The following SOX6 variants were observed in gnomAD, a reference collection of about 807,000 sequenced individuals.
SOX6 encodes the protein transcription factor SOX-6.
Under a neutral mutation model 97.8 loss-of-function variants are expected in SOX6, and 11 were observed. The observed-to-expected ratio is 0.11, with a 90% confidence interval of 0.07 to 0.19. SOX6 has a LOEUF of 0.19. Ranked by LOEUF, SOX6 falls within the 10% of genes least tolerant of loss-of-function variation. The pLI, the probability that SOX6 is intolerant of heterozygous loss-of-function variation, is 1.00. For synonymous variants in SOX6, 360 were observed against 371.4 expected (o/e 0.97, Z 0.35); for missense variants, 810 against 1,039.5 (o/e 0.78, Z 3.04).
chr11:16,124,551 G>A (rs1005953031), intron 6 of SOX6, among the ~76,000 whole-genome samples: 1 of 152,024 alleles, frequency 6.6e-6, no homozygotes, highest in African/African-American at 2.4e-5. Flanking sequence ...AGGGTTAAAC[G>A]ACCTGAGGAA....
At chr11:16,659,340 T>A (rs1223743459) in intron 3 of SOX6, among the ~76,000 whole-genome samples, 8 of 152,154 alleles carry the variant, frequency 5.3e-5, no homozygotes, top group Non-Finnish European at 1.2e-4. Flanking sequence ...TGCCAAAGAT[T>A]AGTTGATTGT....
intron 4 of SOX6, among the ~76,000 whole-genome samples, chr11:16,485,924 AGGG>A (rs2133128249): frequency 2.2e-5 from 1 of 45,074 alleles, no homozygotes; most frequent in Non-Finnish European, 3.8e-5. Flanking sequence ...AGGGAAGGGG[AGGG>A]GAGGGGAGGG....
chr11:16,348,888 A>G lies in SOX6; in HGVS notation c.-5+7206T>C, dbSNP rs533719928. Among the ~76,000 whole-genome samples, 7 of 152,264 alleles carry G rather than the reference A, an allele frequency of 4.6e-5. No individual in the cohort carries two copies. The South Asian group carries it at 1.2e-3, about 27-fold the overall frequency. ...TGATGCTGAAAATTCATCTCATGAA[A>G]GTGATTTAATATCTCTACACAAGTT... On this transcript the variant is annotated intron_variant, in intron 1 of 15. Coordinates refer to ENST00000683767, the MANE Select transcript of SOX6 (RefSeq NM_001367873.1).
At chr11:16,322,310 G>T (rs1855951967) in intron 2 of SOX6, among the ~76,000 whole-genome samples, 1 of 152,104 alleles carries the variant, frequency 6.6e-6, no homozygotes, top group Non-Finnish European at 1.5e-5. Flanking sequence ...ATGAGATCTG[G>T]TTGTTAAAAA....
chr11:16,010,116 A>C (rs1854668229), intron 13 of SOX6, among the ~76,000 whole-genome samples: 1 of 143,836 alleles, frequency 7.0e-6, no homozygotes, highest in South Asian at 2.3e-4. Flanking sequence ...ACTTAGAAGC[A>C]GTTGGAGCTA....
At chr11:15,995,002 A>T (rs1420247779) in intron 13 of SOX6, among the ~76,000 whole-genome samples, 1 of 152,214 alleles carries the variant, frequency 6.6e-6, no homozygotes, top group East Asian at 1.9e-4. Context: ...TGGTCTTCAT[A>T]GCATGGAGTG....
intron 3 of SOX6, among the ~76,000 whole-genome samples, chr11:16,278,824 T>C (rs183501664): frequency 1.7e-4 from 26 of 152,144 alleles, no homozygotes; most frequent in African/African-American, 6.3e-4. Context: ...CTAGATCTAA[T>C]GGGGTAAAGA....
intron 4 of SOX6, among the ~76,000 whole-genome samples, chr11:16,603,444 C>A (rs1299100083): frequency 6.6e-6 from 1 of 152,120 alleles, no homozygotes; most frequent in Non-Finnish European, 1.5e-5. Flanking sequence ...TGATCACTAG[C>A]AGCCCCAAGC....
intron 11 of SOX6, among the ~76,000 whole-genome samples, 168 bp from the exon 12 acceptor site, chr11:16,046,869 A>T (rs1855849837): frequency 1.3e-5 from 2 of 152,178 alleles, no homozygotes; most frequent in South Asian, 4.1e-4. Context: ...AGCCAGGGCA[A>T]CCAAGCTGTG....
At chr11:16,211,090 T>C (rs1390944573) in intron 4 of SOX6, among the ~76,000 whole-genome samples, 2 of 151,876 alleles carry the variant, frequency 1.3e-5, no homozygotes, top group Non-Finnish European at 1.5e-5. Flanking sequence ...AATCAGTAGG[T>C]AAACACATAA....
intron 4 of SOX6, among the ~76,000 whole-genome samples, chr11:16,230,178 G>T (rs1442940113): frequency 6.6e-6 from 1 of 151,588 alleles, no homozygotes; most frequent in Non-Finnish European, 1.5e-5. Flanking sequence ...AATGAAAAAG[G>T]ATATTTTAAT....
At position 16,613,786 on chromosome 11, in the gene SOX6, T is replaced by C. The variant is rs1031886813; in HGVS notation, n.430-1526A>G. On this transcript the variant is annotated intron_variant and non_coding_transcript_variant, in intron 3 of 5. Transcript: ENST00000524520. The surrounding 1 kb of genome is among the most constrained non-coding windows in gnomAD (Gnocchi z 4.6). ...GGATGAACTGCGAGGATGCCGGCGG[T>C]CAGGCTTGGCCGAGCTTTGTTTACG... Among the ~76,000 whole-genome samples, 1 of 152,028 alleles carries C rather than the reference T, an allele frequency of 6.6e-6. No individual in the cohort carries two copies. Among genetic ancestry groups the C allele is most frequent in the African/African-American group, 2.4e-5 (1 of 41,382 alleles).
intron 9 of SOX6, among the ~76,000 whole-genome samples, chr11:16,069,559 A>G (rs1848175656): frequency 6.6e-6 from 1 of 152,182 alleles, no homozygotes; most frequent in African/African-American, 2.4e-5. Flanking sequence ...TTTTATTTTA[A>G]TATTTGTTTT....
At chr11:16,073,864 G>C (rs992302574) in intron 9 of SOX6, among the ~76,000 whole-genome samples, 1 of 152,068 alleles carries the variant, frequency 6.6e-6, no homozygotes, top group African/African-American at 2.4e-5. Flanking sequence ...TGAAATTAAG[G>C]CAGAAATCAA....
intron 4 of SOX6, among the ~76,000 whole-genome samples, chr11:16,217,407 C>T (rs1007319752): frequency 6.6e-6 from 1 of 151,874 alleles, no homozygotes; most frequent in African/African-American, 2.4e-5. Context: ...AAATTGCTGT[C>T]GATGAATATC....
intron 4 of SOX6, among the ~76,000 whole-genome samples, chr11:16,491,220 T>A (rs1311575943): frequency 6.6e-6 from 1 of 152,180 alleles, no homozygotes; most frequent in African/African-American, 2.4e-5. Flanking sequence ...ACAAAAACTA[T>A]ATATTGCTTT....
intron 15 of SOX6, among the ~76,000 whole-genome samples, chr11:15,981,631 T>C (rs1853659156): frequency 1.3e-5 from 2 of 152,094 alleles, no homozygotes; most frequent in Admixed American, 6.6e-5. Context: ...CCAGGGTCTT[T>C]ACAGGAGGAC....
intron 6 of SOX6, among the ~76,000 whole-genome samples, chr11:16,148,708 C>T (rs1024303146): frequency 2.6e-5 from 4 of 152,022 alleles, no homozygotes; most frequent in African/African-American, 9.7e-5. Flanking sequence ...ATATTAATGC[C>T]TCTCTCTCCT....
chr11:16,379,250 T>C (rs982986144), intron 1 of SOX6, among the ~76,000 whole-genome samples: 1 of 152,154 alleles, frequency 6.6e-6, no homozygotes, highest in African/African-American at 2.4e-5. Flanking sequence ...GTGGATTGCC[T>C]GAGGCTGGAA....
Sources: allele counts gnomAD v4.1 joint callset (sites outside exome capture counted in the v4.1 genomes callset), GRCh38; gene constraint gnomAD v4.1.1; non-coding constraint Gnocchi (gnomAD v3.1); transcripts MANE v1.5; gene names NCBI Gene and HGNC (gene_info 2026-07-23, HGNC 2026-07-21).